The following C1QTNF3 variants were observed in gnomAD, a reference collection of about 807,000 sequenced individuals.
C1QTNF3 encodes C1q and TNF related 3.
A neutral mutation model predicts 32.6 loss-of-function variants in C1QTNF3; 26 were observed. The observed-to-expected ratio is 0.80, with a 90% confidence interval of 0.58 to 1.11. The LOEUF is 1.11. C1QTNF3 is among the 50% of genes least tolerant of loss of function. The probability of loss-of-function intolerance (pLI) is 0.00; values close to 1 mark genes in which losing one functional copy is unlikely to be tolerated. For missense variants in C1QTNF3, 362 were observed against 398.2 expected, an observed-to-expected ratio of 0.91 and a Z score of 0.77; for synonymous variants, 155 against 146.0, an observed-to-expected ratio of 1.06 and a Z score of -0.44.
At chr5:34,164,767 C>T in the C1QTNF3 span, 1 of 151,446 alleles carries the variant, frequency 6.6e-6, no homozygotes, top group Non-Finnish European at 1.5e-5. Flanking sequence ...TTCATAAATT[C>T]TATATAAGTA....
intron 4 of C1QTNF3, among the ~76,000 whole-genome samples, chr5:34,027,236 A>C (rs990451742): frequency 6.6e-6 from 1 of 152,240 alleles, no homozygotes; most frequent in South Asian, 2.1e-4. Context: ...CATTTTGTTG[A>C]TAAGGCTATC....
chr5:34,050,517 T>C, the C1QTNF3 span, among the ~76,000 whole-genome samples: 1 of 152,224 alleles, frequency 6.6e-6, no homozygotes, highest in Non-Finnish European at 1.5e-5. Context: ...ATCTTCCATG[T>C]TGACTTCTGA....
chr5:34,119,425 C>T, the C1QTNF3 span, among the ~76,000 whole-genome samples: 1 of 152,222 alleles, frequency 6.6e-6, no homozygotes, highest in Non-Finnish European at 1.5e-5. Context: ...CTCTCTGCCA[C>T]CCCTCACAAG....
At chr5:34,105,683 C>T in the C1QTNF3 span, 2 of 151,498 alleles carry the variant, frequency 1.3e-5, no homozygotes, top group African/African-American at 2.4e-5. Context: ...TCTATTTTTT[C>T]GTCAATACTA....
intron 3 of C1QTNF3, 85 bp from the exon 4 acceptor site, chr5:34,028,968 T>C (rs1042346333): frequency 8.8e-7 from 1 of 1,136,602 alleles, no homozygotes; most frequent in Admixed American, 2.3e-5. Context: ...TTAAACATTA[T>C]ACATAACAGC....
At chr5:34,146,692 A>T in the C1QTNF3 span, among the ~76,000 whole-genome samples, 2 of 152,212 alleles carry the variant, frequency 1.3e-5, no homozygotes, top group African/African-American at 4.8e-5. Context: ...TTTTAAAATA[A>T]GTCCTCAAAC....
the C1QTNF3 span, among the ~76,000 whole-genome samples, chr5:34,140,716 G>A: frequency 6.6e-6 from 1 of 152,196 alleles, no homozygotes; most frequent in Non-Finnish European, 1.5e-5. Context: ...TTTCTCACCC[G>A]CAGGGTATCA....
chr5:34,039,575 T>C (rs1451038580), intron 1 of C1QTNF3, among the ~76,000 whole-genome samples: 2 of 152,084 alleles, frequency 1.3e-5, no homozygotes, highest in Non-Finnish European at 2.9e-5. Context: ...CTACCCTACG[T>C]GGAAGGGTGT....
the C1QTNF3 span, among the ~76,000 whole-genome samples, chr5:34,085,083 C>T: frequency 2.1e-5 from 3 of 145,988 alleles, no homozygotes; most frequent in Non-Finnish European, 3.0e-5. Context: ...CTCCGCCTCC[C>T]GGGTTCACGC....
chr5:34,054,036 C>A, the C1QTNF3 span, among the ~76,000 whole-genome samples: 1 of 152,310 alleles, frequency 6.6e-6, no homozygotes, highest in South Asian at 2.1e-4. Context: ...ATGGAAAGAC[C>A]TGGCGTTGGG....
At chr5:34,236,592 T>TTTTTTTTTTC in the C1QTNF3 span, among the ~76,000 whole-genome samples, 1 of 137,158 alleles carries the variant, frequency 7.3e-6, no homozygotes, top group African/African-American at 2.7e-5. Flanking sequence ...TTTTTTTTTT[T>TTTTTTTTTTC]TGAGGAGTTT....
chr5:34,024,280 A>G (rs299608), intron 4 of C1QTNF3: 141,288 of 341,196 alleles, frequency 0.41, 30,874 homozygotes, highest in South Asian at 0.65. Context: ...ACTGCCTTGT[A>G]CCCTGACAAA....
chr5:34,188,663 CTGTG>C, the C1QTNF3 span, among the ~76,000 whole-genome samples: 147 of 151,828 alleles, frequency 9.7e-4, no homozygotes, highest in African/African-American at 3.4e-3. Context: ...GCCTGTATCC[CTGTG>C]TATCTAGAAA....
At chr5:34,171,378 T>C in the C1QTNF3 span, among the ~76,000 whole-genome samples, 3 of 151,286 alleles carry the variant, frequency 2.0e-5, no homozygotes, top group Non-Finnish European at 2.9e-5. Flanking sequence ...AAATATATTA[T>C]ATACTATAAA....
chr5:34,134,387 C>T, the C1QTNF3 span, among the ~76,000 whole-genome samples: 1 of 152,016 alleles, frequency 6.6e-6, no homozygotes, highest in Non-Finnish European at 1.5e-5. Context: ...CTTGAGTATG[C>T]ATGAGTCAAC....
chr5:34,162,252 G>A, the C1QTNF3 span, among the ~76,000 whole-genome samples: 2 of 152,100 alleles, frequency 1.3e-5, no homozygotes, highest in Admixed American at 1.3e-4. Flanking sequence ...TCATCCCATG[G>A]CAGAAAGCAG....
the C1QTNF3 span, among the ~76,000 whole-genome samples, chr5:34,108,622 A>G: frequency 1.3e-5 from 2 of 152,010 alleles, no homozygotes; most frequent in Non-Finnish European, 2.9e-5. Flanking sequence ...TAAGGAAGAC[A>G]AAGTACTAAT....
the C1QTNF3 span, among the ~76,000 whole-genome samples, chr5:34,128,570 CT>C: frequency 1.3e-5 from 2 of 152,300 alleles, no homozygotes; most frequent in East Asian, 3.9e-4. Context: ...TGCCTAAGGC[CT>C]TGAGAGCCCA....
chr5:34,107,653 A>G, the C1QTNF3 span, among the ~76,000 whole-genome samples: 1 of 152,072 alleles, frequency 6.6e-6, no homozygotes, highest in Non-Finnish European at 1.5e-5. Context: ...GCAGGACCTA[A>G]TAAAACAGCA....
Sources: gnomAD v4.1 joint callset for allele counts (sites outside exome capture counted in the v4.1 genomes callset) on GRCh38, gnomAD v4.1.1 for gene constraint, MANE v1.5 for transcripts, NCBI Gene and HGNC (gene_info 2026-07-23, HGNC 2026-07-21) for gene names.